The following MAP3K9 variants were observed in gnomAD, a reference collection of about 807,000 sequenced individuals.
MAP3K9 encodes the protein mitogen-activated protein kinase kinase kinase 9, also known as mixed lineage kinase 1 (tyr and ser/thr specificity).
Under a neutral mutation model 95.8 loss-of-function variants are expected in MAP3K9, and 46 were observed. That is an observed-to-expected ratio of 0.48 (90% CI 0.38 to 0.61). The LOEUF (loss-of-function observed/expected upper bound fraction) is 0.61. MAP3K9 is among the 20% of genes least tolerant of loss of function. The pLI is 0.00. For synonymous variants in MAP3K9, 533 were observed against 593.8 expected (o/e 0.90, Z 1.49); for missense variants, 1,296 against 1,474.3 (o/e 0.88, Z 1.98).
Position 70,809,244 on chromosome 14 carries a change from T to G in MAP3K9, c.-73A>C. 1.6e-6 allele frequency: 2 copies of G among 1,266,436 alleles called. No homozygotes were observed. The highest frequency in any genetic ancestry group is 2.0e-6 in the Non-Finnish European group (2 of 1,010,810). The allele number at this position is 1,266,436 out of a possible 1,614,324, so 78.4% of individuals were successfully genotyped here. ...CGCCGCCGCCTATTGTTCATGCGCC[T>G]CCGCAGAGCTGGGAGGACCCCCCCC... On this transcript the variant is annotated 5_prime_UTR_variant, in exon 1 of 12. Transcript: ENST00000554752.
At chr14:70,781,295 G>A (rs2054672949) in intron 2 of MAP3K9, among the ~76,000 whole-genome samples, 1 of 152,200 alleles carries the variant, frequency 6.6e-6, no homozygotes, top group Non-Finnish European at 1.5e-5. Flanking sequence ...GACTGCACAT[G>A]GGCACTCCCA....
intron 2 of MAP3K9, among the ~76,000 whole-genome samples, chr14:70,799,718 A>G (rs2054907802): frequency 6.6e-6 from 1 of 152,250 alleles, no homozygotes; most frequent in African/African-American, 2.4e-5. Flanking sequence ...AGCCTGGAGC[A>G]AAACAAAGTC....
rs748690112 is a variant in MAP3K9, at chr14:70,742,578, C to G, written c.1340G>C (p.Trp447Ser). 1 of 1,614,012 alleles carries G rather than the reference C, an allele frequency of 6.2e-7. No individual in the cohort carries two copies. Among genetic ancestry groups the G allele is most frequent in the Non-Finnish European group, 8.5e-7 (1 of 1,179,950 alleles). Reference protein sequence around the residue: ...LRAKEKELRTWEEELTRAALQ... With the variant: ...LRAKEKELRTSEEELTRAALQ... ...TGCAGCCCGCGTCAGCTCCTCCTCC[C>G]AGGTGCGAAGTTCCTGCAGGATGGG... is the stretch of plus-strand genomic sequence containing the variant. The change falls in exon 6 of 12, where the codon TGG becomes TCG. Residue 447 changes from tryptophan to serine, a missense_variant. By Grantham distance (177) the Trp-to-Ser change is radical (BLOSUM62 -3). Coordinates refer to ENST00000554752, the MANE Select transcript of MAP3K9 (RefSeq NM_001284230.2).
intron 2 of MAP3K9, among the ~76,000 whole-genome samples, chr14:70,769,613 T>G (rs2139801885): frequency 6.6e-6 from 1 of 152,308 alleles, no homozygotes; most frequent in Middle Eastern, 3.4e-3. Flanking sequence ...CTTCAAAGGT[T>G]CCAGGGAAGG....
At chr14:70,779,139 T>C (rs1448658487) in intron 2 of MAP3K9, among the ~76,000 whole-genome samples, 3 of 152,058 alleles carry the variant, frequency 2.0e-5, no homozygotes, top group Non-Finnish European at 2.9e-5. Context: ...AGAACTTTCA[T>C]GAGGTAGAAA....
In MAP3K9 at chr14:70,727,524, A is replaced by G. The variant is rs2139688256; in HGVS notation, c.*2856T>C. ...TACTGCCACTCAAGTGGCTTCATCC[A>G]CAGCTCCAGGGCCTGCTCCCGACCA... On this transcript the variant is annotated 3_prime_UTR_variant, in exon 12 of 12. Coordinates refer to ENST00000554752, the MANE Select transcript of MAP3K9 (RefSeq NM_001284230.2). The G allele has an allele frequency of 6.5e-6, 1 of 152,736 alleles. No homozygotes were observed. The highest frequency in any genetic ancestry group is 2.1e-4 in the South Asian group (1 of 4,824). 9.5% of individuals were successfully genotyped at this position (152,736 alleles called of 1,614,324 possible). A position where few individuals can be genotyped will look rare whatever the true frequency, so the allele number is the denominator to read the frequency against.
rs1401524369 is a variant in MAP3K9 at position 70,729,387 on chromosome 14, CA to C, written c.*992del. 1 of 152,164 alleles carries C rather than the reference CA, an allele frequency of 6.6e-6. No individual in the cohort carries two copies. 9.4% of individuals were successfully genotyped at this position (152,164 alleles called of 1,614,324 possible). ...TACTAACCAAACATAACCAAAAGCC[CA>C]CAAACTCCAGGGATTAGAGTGAAGA... On this transcript the variant is annotated 3_prime_UTR_variant, in exon 12 of 12. Transcript: ENST00000554752.
intron 2 of MAP3K9, among the ~76,000 whole-genome samples, chr14:70,773,503 C>A (rs1461399120): frequency 6.6e-6 from 1 of 152,208 alleles, no homozygotes; most frequent in Non-Finnish European, 1.5e-5. Context: ...AGTAATGGAA[C>A]CCACAATTGC....
intron 5 of MAP3K9, among the ~76,000 whole-genome samples, chr14:70,747,645 G>T (rs1162807346): frequency 6.6e-6 from 1 of 152,090 alleles, no homozygotes; most frequent in Non-Finnish European, 1.5e-5. Context: ...GCTCTGAGAT[G>T]GAAACAATAA....
intron 10 of MAP3K9, chr14:70,733,607 A>G: frequency 1.5e-6 from 1 of 646,388 alleles, no homozygotes; most frequent in Non-Finnish European, 2.8e-6. Flanking sequence ...TTTCTTTCAT[A>G]AGGGATCTGT....
chr14:70,739,818 TG>T (rs2054042147), intron 7 of MAP3K9: 1 of 1,393,944 alleles, frequency 7.2e-7, no homozygotes, highest in Non-Finnish European at 9.7e-7. Flanking sequence ...ATCCCTTTGC[TG>T]ATATGTGACT....
chr14:70,742,914 TATA>T (rs1566736086), intron 5 of MAP3K9, among the ~76,000 whole-genome samples: 23 of 3,574 alleles, frequency 6.4e-3, no homozygotes, highest in East Asian at 0.034. Context: ...TATATATTTA[TATA>T]TATATATATA....
At chr14:70,753,739 ACCCTCACAAAATTTACTCTT>A (rs1344276939) in intron 3 of MAP3K9, among the ~76,000 whole-genome samples, 1 of 151,972 alleles carries the variant, frequency 6.6e-6, no homozygotes, top group Non-Finnish European at 1.5e-5. Flanking sequence ...GCCTAACCCA[ACCCTCACAAAATTTACTCTT>A]GAGTTAATAA....
intron 2 of MAP3K9, among the ~76,000 whole-genome samples, chr14:70,773,085 T>TTG (rs1230295764): frequency 6.6e-6 from 1 of 152,170 alleles, no homozygotes; most frequent in East Asian, 1.9e-4. Flanking sequence ...TATTTACACT[T>TTG]TATACAAACA....
chr14:70,739,933 T>C, intron 7 of MAP3K9, 109 bp downstream of exon 7: 2 of 1,613,868 alleles, frequency 1.2e-6, no homozygotes. Flanking sequence ...CGAGGAGAGG[T>C]GGCAGAAGTT....
At position 70,808,827 on chromosome 14, in the gene MAP3K9, G is replaced by T. The variant is rs531286700; in HGVS notation, c.345C>A (p.Ser115Arg). Reference protein sequence around the residue: ...IFPSNYVTPRSAFSSRCQPGG... With the variant: ...IFPSNYVTPRRAFSSRCQPGG... ...CGGGCTGGCAGCGGCTGGAGAAGGCGCTGCGCGGGGTCACGTAGTTGCTGG... is the reference window on the plus strand; with the variant it reads ...CGGGCTGGCAGCGGCTGGAGAAGGCTCTGCGCGGGGTCACGTAGTTGCTGG... Residue 115 changes from serine to arginine, a missense_variant, in exon 1 of 12, where the codon AGC (serine) becomes AGA (arginine). Physicochemically the swap from Ser to Arg is moderately radical, Grantham distance 110. This residue lies in a region of MAP3K9 where 338 missense variants were observed against 363.4 expected (regional missense o/e 0.93). Coordinates refer to ENST00000554752, the MANE Select transcript of MAP3K9 (RefSeq NM_001284230.2). 1.9e-6 allele frequency: 3 copies of T among 1,597,152 alleles called. No individual in the cohort carries two copies. Among genetic ancestry groups the T allele is most frequent in the African/African-American group, 2.7e-5 (2 of 74,370 alleles).
intron 2 of MAP3K9, among the ~76,000 whole-genome samples, chr14:70,779,308 A>T (rs2054643138): frequency 6.6e-6 from 1 of 152,246 alleles, no homozygotes; most frequent in Non-Finnish European, 1.5e-5. Flanking sequence ...GGTTGCAGTG[A>T]GACAAATTAA....
chr14:70,746,014 T>A (rs1360251000), intron 5 of MAP3K9, among the ~76,000 whole-genome samples: 3 of 152,230 alleles, frequency 2.0e-5, no homozygotes, highest in Admixed American at 1.3e-4. Flanking sequence ...TCCAAATCCT[T>A]TGTTTCTCTG....
At chr14:70,743,682 T>C (rs2054106704) in intron 5 of MAP3K9, among the ~76,000 whole-genome samples, 1 of 152,046 alleles carries the variant, frequency 6.6e-6, no homozygotes, top group Admixed American at 6.6e-5. Context: ...GTTAGAATGG[T>C]GATCAGTAAA....
Sources: gnomAD v4.1 joint callset for allele counts (sites outside exome capture counted in the v4.1 genomes callset) on GRCh38, gnomAD v4.1.1 for gene constraint, gnomAD v4.1.1 regional missense constraint, MANE v1.5 for transcripts, NCBI Gene and HGNC (gene_info 2026-07-23, HGNC 2026-07-21) for gene names.